The following HGFAC variants were observed in gnomAD, a reference collection of about 807,000 sequenced individuals.
HGFAC encodes the protein hepatocyte growth factor activator serine protease.
Under a neutral mutation model 70.6 loss-of-function variants are expected in HGFAC, and 76 were observed. That is an observed-to-expected ratio of 1.08 (90% CI 0.89 to 1.30). HGFAC has a LOEUF of 1.30. Ranked by LOEUF, HGFAC falls within the 50% of genes most tolerant of loss-of-function variation. The pLI is 0.00. For missense variants in HGFAC, 1,044 were observed against 933.7 expected, an observed-to-expected ratio of 1.12 and a Z score of -1.54; for synonymous variants, 464 against 405.3, an observed-to-expected ratio of 1.14 and a Z score of -1.74.
At chr4:3,448,693 C>G (rs567507420) in intron 13 of HGFAC, among the ~76,000 whole-genome samples, 1 of 152,368 alleles carries the variant, frequency 6.6e-6, no homozygotes, top group African/African-American at 2.4e-5. Flanking sequence ...GTCCTGGGCT[C>G]TGCAGGCCTG....
rs1347922720 is a variant in HGFAC at position 3,442,216 on chromosome 4, G to A, written c.117+98G>A. 19 of 902,716 alleles carry A rather than the reference G, an allele frequency of 2.1e-5. 1 individual carries two copies. In the Admixed American group the frequency reaches 5.0e-4, roughly 24 times the overall value. The allele number at this position is 902,716 out of a possible 1,614,324, so 55.9% of individuals were successfully genotyped here. A position where few individuals can be genotyped will look rare whatever the true frequency, so the allele number is the denominator to read the frequency against. On this transcript the variant is annotated intron_variant, in intron 1 of 13. Transcript: ENST00000382774. The stretch of plus-strand genomic sequence containing the variant: ...AGGGAGGGTCGCCACAGAGCGTGGG[G>A]ATTTGAGGGGGCGGGGGTCCGAGCA...
rs539838666 is a variant in HGFAC, at chr4:3,443,362, C to T, written c.417C>T (p.Tyr139=). Residue 139 remains tyrosine (Y), a synonymous_variant, in exon 4 of 14, where the codon TAC becomes TAT. Transcript: ENST00000382774. The part of the protein sequence containing the change: ...HRKWCATTHN[Y]DRDRAWGYCV... Reference sequence around the variant, plus strand: ...CCAGGTGTGCCACAACTCACAACTACGACCGGGACAGGGCCTGGGGCTACT... The same window carrying T: ...CCAGGTGTGCCACAACTCACAACTATGACCGGGACAGGGCCTGGGGCTACT... 90 of 1,540,446 alleles carry T rather than the reference C, an allele frequency of 5.8e-5. No homozygotes were observed. The East Asian group carries it at 1.2e-3, about 21-fold the overall frequency.
intron 1 of HGFAC, 145 bp downstream of exon 1, chr4:3,442,263 G>A (rs1725340646): frequency 1.6e-6 from 1 of 619,946 alleles, no homozygotes; most frequent in Non-Finnish European, 2.7e-6. Flanking sequence ...TTGAAAGCTG[G>A]CCCTCACAGG....
intron 9 of HGFAC, chr4:3,445,551 G>T (rs1477174984): frequency 9.8e-6 from 6 of 611,558 alleles, no homozygotes; most frequent in Non-Finnish European, 1.5e-5. Context: ...CGCTGCAGGG[G>T]GCTGGTCACC....
At position 3,442,841 on chromosome 4, in the gene HGFAC, A is replaced by T. The variant is rs1200386142; in HGVS notation, c.227A>T (p.Glu76Val). The T allele has an allele frequency of 1.9e-6, 3 of 1,588,950 alleles. No homozygotes were observed. The highest frequency in any genetic ancestry group is 2.6e-6 in the Non-Finnish European group (3 of 1,169,102). ...CCAGCAACAAGTGCTCCAGAGGCAGAGGGACCCCAAAGTGGGGGGCTCCCG... is the reference window on the plus strand; with the variant it reads ...CCAGCAACAAGTGCTCCAGAGGCAGTGGGACCCCAAAGTGGGGGGCTCCCG... ...ETPATSAPEA[E>V]GPQSGGLPPP... Residue 76 changes from glutamate (E) to valine (V), a missense_variant, in exon 2 of 14, where the codon GAG becomes GTG. Transcript: ENST00000382774.
intron 12 of HGFAC, 27 bp from the exon 13 acceptor site, chr4:3,448,101 T>TCAC: frequency 6.4e-7 from 1 of 1,570,578 alleles, no homozygotes; most frequent in Middle Eastern, 1.8e-4. Flanking sequence ...AGTGTGGGTG[T>TCAC]CACGCTGAGG....
intron 10 of HGFAC, 74 bp downstream of exon 10, chr4:3,446,368 C>T: frequency 6.6e-7 from 1 of 1,517,678 alleles, no homozygotes. Context: ...GCGCCTGTCC[C>T]CACCCGCTTG....
upstream of HGFAC, among the ~76,000 whole-genome samples, chr4:3,441,209 CG>C (rs1331935430): frequency 6.6e-6 from 1 of 152,198 alleles, no homozygotes; most frequent in Admixed American, 6.5e-5. This position sits in a 1 kb window ranked among gnomAD's most constrained non-coding sequence, Gnocchi z 6.0. Flanking sequence ...GTTGTGCTGC[CG>C]CAGACTTGGC....
chr4:3,445,667 G>A (rs1175950565), intron 9 of HGFAC: 2 of 610,040 alleles, frequency 3.3e-6, no homozygotes, highest in Non-Finnish European at 5.8e-6. Flanking sequence ...GCCCCCCAGA[G>A]GCCACCTGCT....
At chr4:3,445,812 C>T (rs1395380211) in intron 9 of HGFAC, 23 of 1,454,280 alleles carry the variant, frequency 1.6e-5, no homozygotes, top group African/African-American at 2.8e-5. Flanking sequence ...CAAAGGCCTC[C>T]GTGTGTCCAG....
chr4:3,444,222 G>T, intron 5 of HGFAC, 61 bp downstream of exon 5: 17 of 1,567,512 alleles, frequency 1.1e-5, no homozygotes, highest in Non-Finnish European at 1.4e-5. Context: ...CCGGAGGATG[G>T]GAGAACAGGT....
Position 3,449,422 on chromosome 4 carries a change from C to T in HGFAC, c.*3C>T. 1.3e-6 allele frequency: 2 copies of T among 1,530,730 alleles called. No individual in the cohort carries two copies. The highest frequency in any genetic ancestry group is 8.8e-7 in the Non-Finnish European group (1 of 1,136,796). The allele number at this position is 1,530,730 out of a possible 1,614,324, so 94.8% of individuals were successfully genotyped here. A position where few individuals can be genotyped will look rare whatever the true frequency, so the allele number is the denominator to read the frequency against. ...GGCGGCTTGTGGCTCCCTCCTGACC[C>T]TCCAGCGGGACACCCTGGTTCCCAC... is the stretch of plus-strand genomic sequence containing the variant. On this transcript the variant is annotated 3_prime_UTR_variant, in exon 14 of 14. Coordinates refer to ENST00000382774, the MANE Select transcript of HGFAC (RefSeq NM_001528.4).
Position 3,444,980 on chromosome 4 carries a change from C to A in HGFAC, c.1003C>A (p.His335Asn), listed in dbSNP as rs769088341. 5 of 1,594,046 alleles carry A rather than the reference C, an allele frequency of 3.1e-6. No homozygotes were observed. The highest frequency in any genetic ancestry group is 4.3e-6 in the Non-Finnish European group (5 of 1,172,396). ...GAAALLGLGP[H>N]AYCRNPDNDE... ...CGCGGCCCTGCTGGGCCTGGGCCCC[C>A]ATGCCTACTGCCGGTCAGCACCACG... is the stretch of plus-strand genomic sequence containing the variant. Residue 335 changes from histidine to asparagine, a missense_variant, in exon 8 of 14, where the codon CAT becomes AAT. Physicochemically the swap from His to Asn is moderately conservative, Grantham distance 68. Coordinates refer to ENST00000382774, the MANE Select transcript of HGFAC (RefSeq NM_001528.4).
upstream of HGFAC, chr4:3,441,946 C>T: frequency 9.7e-7 from 1 of 1,033,288 alleles, no homozygotes; most frequent in Non-Finnish European, 1.3e-6. This position sits in a 1 kb window ranked among gnomAD's most constrained non-coding sequence, Gnocchi z 6.0. Context: ...TTGACCCCAC[C>T]TGCCTTGGCC....
chr4:3,443,989 A>T (rs200219605), intron 4 of HGFAC, 50 bp from the exon 5 acceptor site: 128 of 1,525,070 alleles, frequency 8.4e-5, no homozygotes, highest in East Asian at 5.9e-4. Context: ...TCACAGAGGG[A>T]CCCTGAGCCT....
chr4:3,445,285 G>C lies in HGFAC; in HGVS notation c.1037G>C (p.Arg346Thr), dbSNP rs1725463772. Residue 346 changes from arginine (R) to threonine (T), a missense_variant, in exon 9 of 14, where the codon AGG (arginine) becomes ACG (threonine). Coordinates refer to ENST00000382774, the MANE Select transcript of HGFAC (RefSeq NM_001528.4). Reference sequence around the variant, plus strand: ...CGCAGGAATCCGGACAATGACGAGAGGCCCTGGTGCTACGTGGTGAAGGAC... The same window carrying C: ...CGCAGGAATCCGGACAATGACGAGACGCCCTGGTGCTACGTGGTGAAGGAC... The part of the protein sequence containing the change: ...AYCRNPDNDE[R>T]PWCYVVKDSA... 2 of 1,585,720 alleles carry C rather than the reference G, an allele frequency of 1.3e-6. No homozygotes were observed. The highest frequency in any genetic ancestry group is 1.7e-6 in the Non-Finnish European group (2 of 1,166,924).
Position 3,444,368 on chromosome 4 carries a change from G to A in HGFAC, c.656G>A (p.Arg219His), listed in dbSNP as rs1294673422. Residue 219 changes from arginine (R) to histidine (H), a missense_variant, in exon 6 of 14, where the codon CGC (arginine) becomes CAC (histidine). Arg to His is a conservative substitution (Grantham distance 29). Transcript: ENST00000382774. ...EYLEGGDRWA[R>H]VRQGHVEQCE... ...CTGGAGGGGGGCGACCGCTGGGCCC[G>A]CGTGCGCCAGGGCCACGTGGAACAG... 5 of 1,601,918 alleles carry A rather than the reference G, an allele frequency of 3.1e-6. No homozygotes were observed. Among genetic ancestry groups the A allele is most frequent in the African/African-American group, 1.3e-5 (1 of 74,838 alleles).
At chr4:3,443,209 G>A in intron 3 of HGFAC, 63 bp downstream of exon 3, 4 of 1,356,072 alleles carry the variant, frequency 2.9e-6, no homozygotes, top group Non-Finnish European at 4.0e-6. Context: ...CTGCTTTTCT[G>A]GGAGCCGGGC....
Position 3,448,046 on chromosome 4 carries a change from A to G in HGFAC, c.1636+11A>G. On this transcript the variant is annotated intron_variant, in intron 12 of 13. Transcript: ENST00000382774. ...GCCACTTGGATGAGAGTGAGTTGGG[A>G]GGGGGGCGCCCAGCGCCCCGCCAGG... 6.5e-7 allele frequency: 1 copy of G among 1,537,544 alleles called. No homozygotes were observed. The highest frequency in any genetic ancestry group is 1.4e-5 in the African/African-American group (1 of 72,566).
Sources: gnomAD v4.1 joint callset for allele counts (sites outside exome capture counted in the v4.1 genomes callset) on GRCh38, gnomAD v4.1.1 for gene constraint, Gnocchi (gnomAD v3.1) non-coding constraint, MANE v1.5 for transcripts, NCBI Gene and HGNC (gene_info 2026-07-23, HGNC 2026-07-21) for gene names.